The following RBFOX1 variants were observed in gnomAD, a reference collection of about 807,000 sequenced individuals.
RBFOX1 encodes RNA binding fox-1 homolog 1.
A neutral mutation model predicts 57.7 loss-of-function variants in RBFOX1; 8 were observed. The ratio of observed to expected loss-of-function variants is 0.14; its 90% CI spans 0.08 to 0.25. The LOEUF (loss-of-function observed/expected upper bound fraction) is 0.25. RBFOX1 is among the 10% of genes least tolerant of loss of function. RBFOX1 has a pLI of 1.00. For missense variants in RBFOX1, 611 were observed against 548.5 expected, an observed-to-expected ratio of 1.11 and a Z score of -1.14; for synonymous variants, 326 against 222.4, an observed-to-expected ratio of 1.47 and a Z score of -4.15.
At chr16:6,946,893 G>T (rs1417591211) in intron 3 of RBFOX1, among the ~76,000 whole-genome samples, 4 of 152,120 alleles carry the variant, frequency 2.6e-5, no homozygotes, top group Admixed American at 1.3e-4. Context: ...ATAGGTATGA[G>T]TCACCACATC....
chr16:6,169,795 C>G (rs543636246), intron 1 of RBFOX1, among the ~76,000 whole-genome samples: 1 of 152,138 alleles, frequency 6.6e-6, no homozygotes, highest in Admixed American at 6.6e-5. Flanking sequence ...GGTGGAGTCT[C>G]CCTCTATCAC....
intron 3 of RBFOX1, among the ~76,000 whole-genome samples, chr16:6,861,262 C>G (rs1036799148): frequency 2.6e-5 from 4 of 152,118 alleles, no homozygotes; most frequent in African/African-American, 9.7e-5. Flanking sequence ...CACACTCTAA[C>G]CATAGTCTTT....
At chr16:6,683,697 A>C (rs1014836494) in intron 3 of RBFOX1, among the ~76,000 whole-genome samples, 1 of 152,144 alleles carries the variant, frequency 6.6e-6, no homozygotes, top group Admixed American at 6.5e-5. Context: ...TGCACACCCT[A>C]GTCTAAGTAC....
At chr16:5,736,732 C>T (rs1166136143) in intron 3 of RBFOX1, among the ~76,000 whole-genome samples, 1 of 152,032 alleles carries the variant, frequency 6.6e-6, no homozygotes, top group African/African-American at 2.4e-5. Context: ...CCTCCCCTCT[C>T]TCCATCTGTG....
chr16:7,283,590 C>T (rs989354737), intron 4 of RBFOX1, among the ~76,000 whole-genome samples: 1 of 152,114 alleles, frequency 6.6e-6, no homozygotes, highest in African/African-American at 2.4e-5. Flanking sequence ...CCTAGATCGC[C>T]TCTCCCTAAA....
chr16:6,062,894 C>T (rs1460813587), intron 1 of RBFOX1, among the ~76,000 whole-genome samples: 1 of 151,990 alleles, frequency 6.6e-6, no homozygotes, highest in Non-Finnish European at 1.5e-5. Flanking sequence ...AATCTGTAGG[C>T]CAGCTGGCTG....
intron 3 of RBFOX1, among the ~76,000 whole-genome samples, chr16:6,994,944 T>TG (rs2092031169): frequency 2.2e-5 from 3 of 138,778 alleles, no homozygotes; most frequent in African/African-American, 5.5e-5. Context: ...CTTGCATTAT[T>TG]TTGTGTGTGT....
chr16:6,879,762 T>C (rs552615777), intron 3 of RBFOX1, among the ~76,000 whole-genome samples: 1 of 152,226 alleles, frequency 6.6e-6, no homozygotes, highest in East Asian at 1.9e-4. Flanking sequence ...TTCCTGGCTG[T>C]TACTAACCCT....
chr16:6,001,555 A>G (rs2060600396), intron 4 of RBFOX1, among the ~76,000 whole-genome samples: 1 of 152,178 alleles, frequency 6.6e-6, no homozygotes, highest in Admixed American at 6.6e-5. Flanking sequence ...TTTTCCCGAG[A>G]TAAGTGCGTA....
chr16:5,726,469 T>C (rs926008897), intron 3 of RBFOX1, among the ~76,000 whole-genome samples: 1 of 152,184 alleles, frequency 6.6e-6, no homozygotes, highest in Admixed American at 6.5e-5. Flanking sequence ...ACCTTCACTT[T>C]CTTTGTCCCG....
At chr16:5,605,220 A>C (rs953642154) in intron 3 of RBFOX1, among the ~76,000 whole-genome samples, 2 of 152,150 alleles carry the variant, frequency 1.3e-5, no homozygotes, top group Non-Finnish European at 2.9e-5. Context: ...ACTGGATTTC[A>C]TCTCTGATTC....
chr16:6,319,133 C>A (rs926762935), intron 2 of RBFOX1, among the ~76,000 whole-genome samples: 1 of 152,074 alleles, frequency 6.6e-6, no homozygotes, highest in Non-Finnish European at 1.5e-5. Context: ...CAGTCTCTTA[C>A]AGGATTTTAG....
In RBFOX1 at chr16:6,901,259, G is replaced by A. The variant is rs116751636; in HGVS notation, c.-15-150798G>A. Among the ~76,000 whole-genome samples, 62 of 152,266 alleles carry A rather than the reference G, an allele frequency of 4.1e-4. 1 individual carries two copies. The highest frequency in any genetic ancestry group is 1.5e-3 in the African/African-American group (61 of 41,560). ...ACTTCATTCCAGTGAGGACAGAATT[G>A]CTTGTTCATCTCTTCTGTCTAAGCC... is the stretch of plus-strand genomic sequence containing the variant. On this transcript the variant is annotated intron_variant, in intron 3 of 15. Coordinates refer to ENST00000550418, the MANE Select transcript of RBFOX1 (RefSeq NM_018723.4).
chr16:5,467,336 C>T, intron 2 of RBFOX1: 2 of 1,340,904 alleles, frequency 1.5e-6, no homozygotes, highest in Non-Finnish European at 2.1e-6. Context: ...TGCGTCACAG[C>T]CCTGCAACTT....
At chr16:6,618,139 G>A (rs1485825898) in intron 2 of RBFOX1, among the ~76,000 whole-genome samples, 1 of 151,818 alleles carries the variant, frequency 6.6e-6, no homozygotes, top group African/African-American at 2.4e-5. Flanking sequence ...TGCTCCCAGT[G>A]TTACAGGGAC....
intron 2 of RBFOX1, among the ~76,000 whole-genome samples, chr16:5,486,715 A>G (rs2151658611): frequency 6.6e-6 from 1 of 152,126 alleles, no homozygotes; most frequent in Admixed American, 6.5e-5. Flanking sequence ...CCCCTGGGAG[A>G]TGGAGAAGAC....
intron 1 of RBFOX1, among the ~76,000 whole-genome samples, chr16:5,258,091 C>A (rs956528511): frequency 1.3e-5 from 2 of 152,092 alleles, no homozygotes; most frequent in African/African-American, 4.8e-5. Flanking sequence ...GTTGCCTAGG[C>A]TGGTCTCAAA....
chr16:5,553,141 G>A (rs1173883167), intron 2 of RBFOX1, among the ~76,000 whole-genome samples: 2 of 152,058 alleles, frequency 1.3e-5, no homozygotes, highest in South Asian at 2.1e-4. Context: ...GAGGGGTGAC[G>A]GGCTGGGGGA....
chr16:7,415,273 A>G (rs747156025), intron 4 of RBFOX1, among the ~76,000 whole-genome samples: 1 of 152,196 alleles, frequency 6.6e-6, no homozygotes, highest in African/African-American at 2.4e-5. Flanking sequence ...TATGCATCCA[A>G]TGACAGGTAC....
Sources: allele counts gnomAD v4.1 joint callset (sites outside exome capture counted in the v4.1 genomes callset), GRCh38; gene constraint gnomAD v4.1.1; transcripts MANE v1.5; gene names NCBI Gene and HGNC (gene_info 2026-07-23, HGNC 2026-07-21).